HSPA14: variants seen among roughly 807,000 people sequenced by gnomAD.
HSPA14 encodes heat shock protein family A (Hsp70) member 14, also known as heat shock 70 kDa protein 14.
In HSPA14, 37 loss-of-function variants were observed where a neutral mutation model predicts 65.5. That is an observed-to-expected ratio of 0.56 (90% CI 0.43 to 0.74). HSPA14 has a LOEUF of 0.74. Ranked by LOEUF, HSPA14 falls within the 30% of genes least tolerant of loss-of-function variation. HSPA14 has a pLI of 0.00. For synonymous variants in HSPA14, 203 were observed against 214.2 expected, an observed-to-expected ratio of 0.95 and a Z score of 0.46; for missense variants, 564 against 607.6, an observed-to-expected ratio of 0.93 and a Z score of 0.75.
chr10:14,868,870 G>A (rs552825103), intron 12 of HSPA14, among the ~76,000 whole-genome samples: 19 of 151,820 alleles, frequency 1.3e-4, no homozygotes, highest in East Asian at 7.7e-4. Flanking sequence ...TTTTTGAGAC[G>A]GAGTCTCGCT....
intron 3 of HSPA14, chr10:14,845,178 C>G (rs1459311773): frequency 1.0e-6 from 1 of 985,298 alleles, no homozygotes; most frequent in Non-Finnish European, 1.2e-6. Flanking sequence ...CCGATTTACT[C>G]TAGAAGGGAA....
chr10:14,863,802 CACTT>C (rs1832777825), intron 10 of HSPA14, among the ~76,000 whole-genome samples: 1 of 152,112 alleles, frequency 6.6e-6, no homozygotes, highest in Admixed American at 6.5e-5. Context: ...TGCTTGAACT[CACTT>C]AGAAGGCCTT....
chr10:14,838,563 G>A (rs1833922455), intron 1 of HSPA14, 104 bp downstream of exon 1: 1 of 1,153,936 alleles, frequency 8.7e-7, no homozygotes, highest in Non-Finnish European at 1.2e-6. Flanking sequence ...GCCTAGGGAT[G>A]TCGTGGAGTG....
chr10:14,860,767 G>A (rs1408306391), intron 10 of HSPA14, among the ~76,000 whole-genome samples: 1 of 152,130 alleles, frequency 6.6e-6, no homozygotes, highest in African/African-American at 2.4e-5. Context: ...CGATGTAGGG[G>A]TCTGGATTTG....
At chr10:14,865,008 G>T (rs527336978) in intron 10 of HSPA14, among the ~76,000 whole-genome samples, 1 of 152,064 alleles carries the variant, frequency 6.6e-6, no homozygotes, top group African/African-American at 2.4e-5. Context: ...TTTAATGATC[G>T]CCATTCTAAC....
intron 10 of HSPA14, among the ~76,000 whole-genome samples, chr10:14,862,704 A>G (rs577161229): frequency 6.8e-6 from 1 of 146,806 alleles, no homozygotes; most frequent in South Asian, 2.2e-4. Flanking sequence ...ACAGGTTCTC[A>G]CTCTGTCATC....
chr10:14,838,309 A>G lies in HSPA14; in HGVS notation c.-94A>G. On this transcript the variant is annotated 5_prime_UTR_variant, in exon 1 of 14. Coordinates refer to ENST00000378372, the MANE Select transcript of HSPA14 (RefSeq NM_016299.4). Reference sequence around the variant, plus strand: ...GACGCAGGGGGCTGGCGGGAACGTGAAGCTCCGCGGTGCCTGATGGGGCCG... The same window carrying G: ...GACGCAGGGGGCTGGCGGGAACGTGGAGCTCCGCGGTGCCTGATGGGGCCG... The G allele has an allele frequency of 1.5e-6, 2 of 1,298,094 alleles. No individual in the cohort carries two copies. The highest frequency in any genetic ancestry group is 2.5e-5 in the East Asian group (1 of 39,992). 80.4% of individuals were successfully genotyped at this position (1,298,094 alleles called of 1,614,324 possible). A position where few individuals can be genotyped will look rare whatever the true frequency, so the allele number is the denominator to read the frequency against.
intron 3 of HSPA14, among the ~76,000 whole-genome samples, chr10:14,841,450 C>T (rs187510418): frequency 6.6e-6 from 1 of 152,220 alleles, no homozygotes; most frequent in East Asian, 1.9e-4. Context: ...AGAAATAATA[C>T]AGAGACATCA....
intron 12 of HSPA14, among the ~76,000 whole-genome samples, chr10:14,868,372 C>T (rs935794957): frequency 6.6e-6 from 1 of 152,128 alleles, no homozygotes; most frequent in Non-Finnish European, 1.5e-5. Context: ...GCCTCTGAGA[C>T]AAGATAGGTT....
chr10:14,849,056 T>C (rs1357844220), intron 5 of HSPA14, among the ~76,000 whole-genome samples, 161 bp downstream of exon 5: 1 of 152,214 alleles, frequency 6.6e-6, no homozygotes, highest in African/African-American at 2.4e-5. Context: ...ACTAACTGGG[T>C]ATGTGCCCGT....
At chr10:14,861,873 G>A (rs902563939) in intron 10 of HSPA14, among the ~76,000 whole-genome samples, 5 of 151,700 alleles carry the variant, frequency 3.3e-5, no homozygotes, top group Admixed American at 6.6e-5. Flanking sequence ...TTAGCTGGGC[G>A]TGATGGTGCG....
chr10:14,844,518 A>T, intron 3 of HSPA14: 1 of 987,288 alleles, frequency 1.0e-6, no homozygotes, highest in Non-Finnish European at 1.2e-6. Flanking sequence ...TTTGTACCTT[A>T]ATCTCTTACA....
intron 10 of HSPA14, among the ~76,000 whole-genome samples, chr10:14,857,914 T>C (rs566888016): frequency 1.2e-4 from 19 of 152,064 alleles, no homozygotes; most frequent in Admixed American, 1.2e-3. Context: ...TTTTTTTTTT[T>C]AACACTTACA....
chr10:14,862,442 T>G (rs961259177), intron 10 of HSPA14, among the ~76,000 whole-genome samples: 1 of 147,804 alleles, frequency 6.8e-6, no homozygotes, highest in Non-Finnish European at 1.5e-5. Context: ...TGACACGATC[T>G]CAGCTCACTG....
intron 10 of HSPA14, among the ~76,000 whole-genome samples, chr10:14,863,512 A>G (rs930892038): frequency 2.6e-5 from 4 of 152,200 alleles, no homozygotes; most frequent in African/African-American, 4.8e-5. Context: ...CAAGGTGTCT[A>G]TCATAAACTG....
intron 3 of HSPA14, chr10:14,846,942 CTTTG>C: frequency 1.0e-6 from 1 of 985,358 alleles, no homozygotes; most frequent in Non-Finnish European, 1.2e-6. Context: ...TTCTCACCAC[CTTTG>C]TTTTTCTGTT....
chr10:14,849,712 A>G lies in HSPA14; in HGVS notation c.377-9A>G, dbSNP rs772690031. ...CTGTCATCAGAATTTTATATTTTTT[A>G]ATATGCAGAAACGGCACATTCTGTA... On this transcript the variant is annotated splice_polypyrimidine_tract_variant and intron_variant, in intron 5 of 13. Transcript: ENST00000378372. 1.9e-6 allele frequency: 3 copies of G among 1,566,074 alleles called. No homozygotes were observed. Among genetic ancestry groups the G allele is most frequent in the Non-Finnish European group, 2.6e-6 (3 of 1,149,998 alleles).
At chr10:14,851,124 A>G in intron 6 of HSPA14, 95 bp from the exon 7 acceptor site, 1 of 715,910 alleles carries the variant, frequency 1.4e-6, no homozygotes. Flanking sequence ...ATGAAATTTT[A>G]GTAGCTTTTG....
chr10:14,860,009 G>A (rs1832738239), intron 10 of HSPA14, among the ~76,000 whole-genome samples: 1 of 152,108 alleles, frequency 6.6e-6, no homozygotes, highest in Non-Finnish European at 1.5e-5. Flanking sequence ...GTTGGTATCT[G>A]TTCAAATCTT....
Sources: gnomAD v4.1 joint callset for allele counts (sites outside exome capture counted in the v4.1 genomes callset) on GRCh38, gnomAD v4.1.1 for gene constraint, MANE v1.5 for transcripts, NCBI Gene and HGNC (gene_info 2026-07-23, HGNC 2026-07-21) for gene names.